The following RDX variants were observed in gnomAD, a reference collection of about 807,000 sequenced individuals.
The protein encoded by RDX is deafness, autosomal recessive 24.
Under a neutral mutation model 83.7 loss-of-function variants are expected in RDX, and 32 were observed. The observed-to-expected ratio is 0.38, with a 90% CI of 0.29 to 0.51. The LOEUF (loss-of-function observed/expected upper bound fraction) is 0.51. Ranked by LOEUF, RDX falls within the 20% of genes least tolerant of loss-of-function variation. The pLI is 0.87. For missense variants in RDX, 600 were observed against 689.9 expected, an observed-to-expected ratio of 0.87 and a Z score of 1.46; for synonymous variants, 229 against 222.7, an observed-to-expected ratio of 1.03 and a Z score of -0.25.
At chr11:110,278,870 AC>A (rs557244937) in intron 2 of RDX, among the ~76,000 whole-genome samples, 180 of 152,122 alleles carry the variant, frequency 1.2e-3, no homozygotes, top group African/African-American at 3.6e-3. Context: ...AAAAAAAAAA[AC>A]AACTCACTTT....
At chr11:110,218,056 G>T (rs1045617943) in intron 14 of RDX, among the ~76,000 whole-genome samples, 2 of 152,196 alleles carry the variant, frequency 1.3e-5, no homozygotes, top group Non-Finnish European at 1.5e-5. Flanking sequence ...ATTTACTATA[G>T]ATGGCAAATA....
chr11:110,277,676 TAA>T (rs200327734), intron 2 of RDX, among the ~76,000 whole-genome samples: 5 of 141,116 alleles, frequency 3.5e-5, no homozygotes, highest in South Asian at 2.2e-4. Context: ...TTTTGTCCAC[TAA>T]AAAAAAAAAA....
At chr11:110,266,757 T>A (rs552316741) in intron 3 of RDX, among the ~76,000 whole-genome samples, 58 of 152,102 alleles carry the variant, frequency 3.8e-4, no homozygotes, top group South Asian at 1.7e-3. Context: ...TTTTGTTTTG[T>A]TTTGTTTTCT....
At chr11:110,205,717 C>G (rs1863578595) in intron 14 of RDX, among the ~76,000 whole-genome samples, 1 of 152,142 alleles carries the variant, frequency 6.6e-6, no homozygotes, top group African/African-American at 2.4e-5. Flanking sequence ...TTAAACCTAT[C>G]AAATCGGCAG....
chr11:110,233,496 C>A lies in RDX; in HGVS notation c.1345-17G>T, dbSNP rs201311777. Reference sequence around the variant, plus strand: ...TGCAAAAGCCTGAACATTAAAAATACGTTTATGAGCAACTTACTTCAAAAA... The same window carrying A: ...TGCAAAAGCCTGAACATTAAAAATAAGTTTATGAGCAACTTACTTCAAAAA... On this transcript the variant is annotated splice_polypyrimidine_tract_variant and intron_variant, in intron 12 of 13. Transcript: ENST00000645495. 1 of 1,613,504 alleles carries A rather than the reference C, an allele frequency of 6.2e-7. No homozygotes were observed. Among genetic ancestry groups the A allele is most frequent in the Admixed American group, 1.7e-5 (1 of 59,960 alleles).
intron 1 of RDX, among the ~76,000 whole-genome samples, chr11:110,291,936 G>T (rs988309010): frequency 3.9e-5 from 6 of 152,006 alleles, no homozygotes; most frequent in African/African-American, 4.8e-5. Context: ...GAGGCAGGAT[G>T]ATCATTTGAG....
chr11:110,257,659 T>C (rs985873468), intron 7 of RDX, 108 bp downstream of exon 7: 6 of 1,127,380 alleles, frequency 5.3e-6, no homozygotes, highest in Non-Finnish European at 8.1e-6. Flanking sequence ...AGTTTGAAAA[T>C]AGTAAGGGTA....
chr11:110,248,995 G>T (rs1859219577), intron 9 of RDX, among the ~76,000 whole-genome samples: 1 of 152,144 alleles, frequency 6.6e-6, no homozygotes, highest in Non-Finnish European at 1.5e-5. Flanking sequence ...TCATTTAGCT[G>T]CACCTGCCAT....
intron 15 of RDX, among the ~76,000 whole-genome samples, chr11:110,196,795 C>T (rs1565285703): frequency 6.6e-6 from 1 of 152,210 alleles, no homozygotes; most frequent in Non-Finnish European, 1.5e-5. Context: ...CTAAATACAC[C>T]AGACTGTGCC....
At chr11:110,186,865 C>G (rs1862998494) in intron 15 of RDX, among the ~76,000 whole-genome samples, 1 of 152,214 alleles carries the variant, frequency 6.6e-6, no homozygotes, top group African/African-American at 2.4e-5. Flanking sequence ...TTTGGTGACC[C>G]TGGCAGTGTA....
chr11:110,283,562 A>AT (rs1020464606), intron 1 of RDX, among the ~76,000 whole-genome samples: 4 of 152,196 alleles, frequency 2.6e-5, no homozygotes, highest in South Asian at 2.1e-4. Flanking sequence ...GTAAGTTAAT[A>AT]TTTTTTTCAA....
Position 110,263,971 on chromosome 11 carries a change from G to A in RDX, c.456C>T (p.Leu152=), listed in dbSNP as rs919047877. ...CATGTTTCACTTACCGCTGGGGTAGGAGTCTATCATTAGCCAGGTAGCCTG... is the reference window on the plus strand; with the variant it reads ...CATGTTTCACTTACCGCTGGGGTAGAAGTCTATCATTAGCCAGGTAGCCTG... The part of the protein sequence containing the change: ...HKPGYLANDR[L]LPQRVLEQHK... The change falls in exon 5 of 14, where the codon CTC becomes CTT. Residue 152 remains leucine, a synonymous_variant. Transcript: ENST00000645495. 3.1e-6 allele frequency: 5 copies of A among 1,613,512 alleles called. No homozygotes were observed. The highest frequency in any genetic ancestry group is 2.2e-5 in the East Asian group (1 of 44,880).
intron 1 of RDX, among the ~76,000 whole-genome samples, chr11:110,284,649 T>C (rs1020818343): frequency 2.4e-4 from 36 of 152,020 alleles, no homozygotes; most frequent in African/African-American, 8.5e-4. Context: ...GCCTCCCCAG[T>C]AGCTGGGACT....
intron 15 of RDX, among the ~76,000 whole-genome samples, chr11:110,176,980 C>T (rs866802803): frequency 1.3e-5 from 2 of 152,330 alleles, no homozygotes; most frequent in Middle Eastern, 6.8e-3. Flanking sequence ...GCGCACACCA[C>T]CTCCCCTTCC....
At chr11:110,227,308 C>G (rs1864467051), downstream of RDX, among the ~76,000 whole-genome samples, 1 of 152,056 alleles carries the variant, frequency 6.6e-6, no homozygotes, top group Admixed American at 6.6e-5. Context: ...CTCAGAAATT[C>G]TGATCGCATA....
chr11:110,261,578 A>G (rs1302854508), intron 5 of RDX, among the ~76,000 whole-genome samples: 1 of 152,240 alleles, frequency 6.6e-6, no homozygotes, highest in Non-Finnish European at 1.5e-5. Context: ...ATACTGGAAT[A>G]AGCCAATCAC....
In RDX at chr11:110,264,142, T is replaced by C; in HGVS notation, c.285A>G (p.Gln95=). 2 of 1,613,148 alleles carry C rather than the reference T, an allele frequency of 1.2e-6. No individual in the cohort carries two copies. Among genetic ancestry groups the C allele is most frequent in the South Asian group, 1.1e-5 (1 of 91,056 alleles). Residue 95 remains glutamine (Q), a synonymous_variant, in exon 5 of 14, where the codon CAA becomes CAG. Transcript: ENST00000645495. ...FPEDVSEELI[Q]EITQRLFFLQ... is the part of the protein sequence containing the mutation. ...AGAAGAAGAGTCTCTGGGTTATTTC[T>C]TGAATTAATTCCTCAGAAACATCTT... is the stretch of plus-strand genomic sequence containing the variant.
intron 14 of RDX, among the ~76,000 whole-genome samples, chr11:110,215,240 G>A (rs1863999453): frequency 6.7e-6 from 1 of 150,152 alleles, no homozygotes. Context: ...GTGGGCGCCT[G>A]TAGTCCCAGC....
intron 14 of RDX, among the ~76,000 whole-genome samples, chr11:110,202,738 T>A (rs561148264): frequency 7.2e-5 from 11 of 151,878 alleles, no homozygotes; most frequent in East Asian, 1.9e-4. Context: ...GTTTTTTTTT[T>A]AAAAGTAAAG....
Sources: gnomAD v4.1 joint callset for allele counts (sites outside exome capture counted in the v4.1 genomes callset) on GRCh38, gnomAD v4.1.1 for gene constraint, MANE v1.5 for transcripts, NCBI Gene and HGNC (gene_info 2026-07-23, HGNC 2026-07-21) for gene names.